The following ROBO2 variants were observed in gnomAD, a reference collection of about 807,000 sequenced individuals.
ROBO2 encodes roundabout guidance receptor 2.
In ROBO2, 53 loss-of-function variants were observed where a neutral mutation model predicts 160.8. The observed-to-expected ratio is 0.33, with a 90% CI of 0.26 to 0.41. ROBO2 has a LOEUF of 0.41. Ranked by LOEUF, ROBO2 falls within the 10% of genes least tolerant of loss-of-function variation. ROBO2 has a pLI of 1.00. For missense variants in ROBO2, 1,577 were observed against 1,722.4 expected (o/e 0.92, Z 1.49); for synonymous variants, 664 against 611.7 (o/e 1.09, Z -1.26).
At chr3:75,975,038 TA>T (rs35751621) in intron 2 of ROBO2, among the ~76,000 whole-genome samples, 17,790 of 151,260 alleles carry the variant, frequency 0.12, 1,214 homozygotes, top group Non-Finnish European at 0.15. Context: ...TCACAATGGC[TA>T]AAAAAAATTG....
intron 2 of ROBO2, among the ~76,000 whole-genome samples, chr3:76,071,236 C>T (rs2068443623): frequency 6.6e-6 from 1 of 152,076 alleles, no homozygotes; most frequent in Non-Finnish European, 1.5e-5. Flanking sequence ...TTGAGATCTC[C>T]TCTTTGTCAA....
chr3:76,919,013 G>A (rs2076501649), intron 2 of ROBO2, among the ~76,000 whole-genome samples: 1 of 150,946 alleles, frequency 6.6e-6, no homozygotes, highest in Non-Finnish European at 1.5e-5. Context: ...CACTTTTAAT[G>A]GGCTATTTGT....
chr3:77,188,123 G>A (rs1340236639), intron 2 of ROBO2, among the ~76,000 whole-genome samples: 1 of 151,792 alleles, frequency 6.6e-6, no homozygotes, highest in African/African-American at 2.4e-5. Flanking sequence ...TTGATATTAT[G>A]TGGATTCTTC....
At chr3:76,865,095 G>T (rs187443002) in intron 2 of ROBO2, among the ~76,000 whole-genome samples, 1 of 151,876 alleles carries the variant, frequency 6.6e-6, no homozygotes, top group African/African-American at 2.4e-5. Flanking sequence ...ACATCTTACA[G>T]ACCATTCTAT....
intron 2 of ROBO2, among the ~76,000 whole-genome samples, chr3:76,868,354 T>C (rs2071602756): frequency 6.6e-6 from 1 of 152,208 alleles, no homozygotes; most frequent in African/African-American, 2.4e-5. Context: ...CTTTTCATAG[T>C]ATATTTGTGT....
chr3:77,557,819 T>G, intron 8 of ROBO2, 125 bp from the exon 10 acceptor site: 3 of 746,646 alleles, frequency 4.0e-6, no homozygotes, highest in Non-Finnish European at 2.3e-6. Flanking sequence ...ATATACATAT[T>G]GCTTAGAATA....
intron 2 of ROBO2, among the ~76,000 whole-genome samples, chr3:76,431,286 G>T (rs1360819540): frequency 6.6e-6 from 1 of 151,984 alleles, no homozygotes; most frequent in East Asian, 1.9e-4. Context: ...TTAGTAATTA[G>T]ATATTTTTGC....
chr3:77,606,552 G>C (rs2094529760), intron 20 of ROBO2, among the ~76,000 whole-genome samples: 1 of 152,108 alleles, frequency 6.6e-6, no homozygotes, highest in South Asian at 2.1e-4. Flanking sequence ...TATGTGTGAA[G>C]GTGTGCATGC....
intron 2 of ROBO2, among the ~76,000 whole-genome samples, chr3:75,950,747 C>A (rs1229862118): frequency 6.6e-6 from 1 of 152,000 alleles, no homozygotes; most frequent in Non-Finnish European, 1.5e-5. Context: ...TTTCCTCTCA[C>A]TTCCCAAGGC....
At chr3:76,210,848 A>G (rs189682697) in intron 2 of ROBO2, among the ~76,000 whole-genome samples, 4 of 152,240 alleles carry the variant, frequency 2.6e-5, no homozygotes, top group Non-Finnish European at 4.4e-5. Flanking sequence ...TTAGCCCTAG[A>G]TGACTTACTA....
chr3:77,607,802 G>A (rs752185497), exon 21 of ROBO2: 2 of 1,613,478 alleles, frequency 1.2e-6, no homozygotes, highest in South Asian at 2.2e-5. Flanking sequence ...TTTCAGGTGG[G>A]AAAGGTGGAA....
chr3:76,591,197 G>A (rs563671568), intron 2 of ROBO2, among the ~76,000 whole-genome samples: 165 of 152,180 alleles, frequency 1.1e-3, no homozygotes, highest in African/African-American at 3.9e-3. Context: ...TTACAAAAAG[G>A]TAAGCTAGAG....
intron 1 of ROBO2, among the ~76,000 whole-genome samples, chr3:77,050,343 T>TACCTTTGA (rs58193273): frequency 0.11 from 17,197 of 152,018 alleles, 1,070 homozygotes; most frequent in East Asian, 0.2. Flanking sequence ...GTATTCTAAG[T>TACCTTTGA]ACCTTTGAAT....
At chr3:77,389,112 T>C (rs2074439252) in intron 2 of ROBO2, among the ~76,000 whole-genome samples, 1 of 152,074 alleles carries the variant, frequency 6.6e-6, no homozygotes, top group Non-Finnish European at 1.5e-5. Flanking sequence ...GCCTGGTTAA[T>C]TTTGTGTTTT....
chr3:76,653,508 C>G (rs2091347524), intron 2 of ROBO2, among the ~76,000 whole-genome samples: 1 of 151,856 alleles, frequency 6.6e-6, no homozygotes, highest in Non-Finnish European at 1.5e-5. Flanking sequence ...TAATGATTTA[C>G]TATTTCAAAA....
intron 2 of ROBO2, among the ~76,000 whole-genome samples, chr3:76,965,785 G>GTATATATA (rs62885160): frequency 0.045 from 5,757 of 129,004 alleles, 182 homozygotes; most frequent in African/African-American, 0.081. Flanking sequence ...TTGTGTTTGT[G>GTATATATA]TATATATATA....
At chr3:76,814,332 C>G (rs1169354020) in intron 2 of ROBO2, among the ~76,000 whole-genome samples, 1 of 152,098 alleles carries the variant, frequency 6.6e-6, no homozygotes, top group African/African-American at 2.4e-5. Context: ...TGAGGTTCAA[C>G]TGAAACTAAG....
chr3:76,562,981 ATC>A (rs2084295349), intron 2 of ROBO2, among the ~76,000 whole-genome samples: 1 of 146,890 alleles, frequency 6.8e-6, no homozygotes, highest in African/African-American at 2.5e-5. Context: ...TTCTTCATCT[ATC>A]TGTTTACTTT....
chr3:77,509,967 G>T (rs936764937), intron 5 of ROBO2, among the ~76,000 whole-genome samples: 1 of 152,004 alleles, frequency 6.6e-6, no homozygotes, highest in Non-Finnish European at 1.5e-5. Context: ...GAGGTGGGAG[G>T]TATGGGGAGT....
Sources: gnomAD v4.1 joint callset for allele counts (sites outside exome capture counted in the v4.1 genomes callset) on GRCh38, gnomAD v4.1.1 for gene constraint, MANE v1.5 for transcripts, NCBI Gene and HGNC (gene_info 2026-07-23, HGNC 2026-07-21) for gene names.